Variants in ZNF804A observed in about 807,000 individuals in gnomAD.
ZNF804A encodes the protein zinc finger protein 804A.
ZNF804A carries 2 observed loss-of-function variants against 16.5 expected under a neutral mutation model. The ratio of observed to expected loss-of-function variants is 0.12; its 90% CI spans 0.05 to 0.38. The LOEUF (loss-of-function observed/expected upper bound fraction) is 0.38. Ranked by LOEUF, ZNF804A falls within the 10% of genes least tolerant of loss-of-function variation. The pLI is 0.99. For missense variants in ZNF804A, 1,473 were observed against 1,390.7 expected (o/e 1.06, Z -0.94); for synonymous variants, 534 against 489.6 (o/e 1.09, Z -1.20).
Position 184,936,480 on chromosome 2 carries a change from G to T in ZNF804A, c.1084G>T (p.Val362Phe), listed in dbSNP as rs1004838001. ...TGAGTTGTTAGGAAATAAATCCACA[G>T]TTCTTGACATGTCTAATGATTGCAT... ...SFELLGNKST[V>F]LDMSNDCISV... Residue 362 changes from valine to phenylalanine, a missense_variant, in exon 4 of 4, where the codon GTT (valine) becomes TTT (phenylalanine). Transcript: ENST00000302277. The T allele has an allele frequency of 3.7e-6, 6 of 1,613,732 alleles. No homozygotes were observed. The highest frequency in any genetic ancestry group is 5.1e-6 in the Non-Finnish European group (6 of 1,179,938).
At chr2:184,679,246 T>C (rs1293062131) in intron 1 of ZNF804A, among the ~76,000 whole-genome samples, 1 of 152,238 alleles carries the variant, frequency 6.6e-6, no homozygotes, top group African/African-American at 2.4e-5. Context: ...GATGATGTTT[T>C]CATAATCCAA....
intron 1 of ZNF804A, among the ~76,000 whole-genome samples, chr2:184,607,556 C>T (rs1308947696): frequency 6.6e-6 from 1 of 152,034 alleles, no homozygotes; most frequent in South Asian, 2.1e-4. Context: ...GTAACTGCCC[C>T]CATGATTCAA....
intron 1 of ZNF804A, among the ~76,000 whole-genome samples, chr2:184,863,406 T>A (rs1695829013): frequency 6.6e-6 from 1 of 152,162 alleles, no homozygotes. Flanking sequence ...TTTAAATTAC[T>A]GTTTTTATTT....
At chr2:184,632,125 T>C (rs1356028682) in intron 1 of ZNF804A, among the ~76,000 whole-genome samples, 1 of 151,922 alleles carries the variant, frequency 6.6e-6, no homozygotes. Context: ...AAGTGGTCAG[T>C]AGAAGTATAT....
At chr2:184,776,790 C>T (rs1694291184) in intron 1 of ZNF804A, among the ~76,000 whole-genome samples, 1 of 151,526 alleles carries the variant, frequency 6.6e-6, no homozygotes, top group South Asian at 2.1e-4. Context: ...GCCAGTTATC[C>T]TAACATTGCT....
Position 184,936,664 on chromosome 2 carries a change from A to G in ZNF804A, c.1268A>G (p.Glu423Gly), listed in dbSNP as rs757852500. The part of the protein sequence containing the change: ...KKTNFCKRQC[E>G]PFVPVLNKHR... ...ACAAATTTCTGCAAAAGACAATGTG[A>G]GCCATTTGTACCTGTCCTTAACAAA... The change falls in exon 4 of 4, where the codon GAG (glutamate) becomes GGG (glycine). Residue 423 changes from glutamate to glycine, a missense_variant. Physicochemically the swap from Glu to Gly is moderately conservative, Grantham distance 98. Coordinates refer to ENST00000302277, the MANE Select transcript of ZNF804A (RefSeq NM_194250.2). The G allele has an allele frequency of 1.9e-6, 3 of 1,614,058 alleles. No individual in the cohort carries two copies. The highest frequency in any genetic ancestry group is 2.5e-6 in the Non-Finnish European group (3 of 1,179,942).
At chr2:184,804,630 G>T (rs1204916491) in intron 1 of ZNF804A, among the ~76,000 whole-genome samples, 2 of 152,150 alleles carry the variant, frequency 1.3e-5, no homozygotes, top group Admixed American at 6.6e-5. Flanking sequence ...AAATTAAACA[G>T]CTATAAAATT....
At chr2:184,774,706 T>A (rs1694261722) in intron 1 of ZNF804A, among the ~76,000 whole-genome samples, 1 of 151,822 alleles carries the variant, frequency 6.6e-6, no homozygotes, top group South Asian at 2.1e-4. Flanking sequence ...TCAAAAATAT[T>A]TGCTCTGTGA....
chr2:184,661,414 A>G (rs1692174326), intron 1 of ZNF804A, among the ~76,000 whole-genome samples: 1 of 152,200 alleles, frequency 6.6e-6, no homozygotes, highest in South Asian at 2.1e-4. Context: ...TGTGACCAAA[A>G]GGAATAAGCT....
chr2:184,611,644 C>T (rs1446615892), intron 1 of ZNF804A, among the ~76,000 whole-genome samples: 1 of 151,954 alleles, frequency 6.6e-6, no homozygotes, highest in East Asian at 1.9e-4. Context: ...TCTGAAGTTA[C>T]AAAATTAATA....
intron 1 of ZNF804A, among the ~76,000 whole-genome samples, chr2:184,669,192 T>C (rs1456900325): frequency 6.6e-6 from 1 of 152,028 alleles, no homozygotes; most frequent in African/African-American, 2.4e-5. Flanking sequence ...AAAGGATACA[T>C]AACAACTCCT....
At position 184,938,859 on chromosome 2, in the gene ZNF804A, C is replaced by T. The variant is rs1685847529; in HGVS notation, c.3463C>T (p.Leu1155Phe). Residue 1155 changes from leucine to phenylalanine, a missense_variant, in exon 4 of 4, where the codon CTT becomes TTT. Coordinates refer to ENST00000302277, the MANE Select transcript of ZNF804A (RefSeq NM_194250.2). ...QLSVGPVGPR[L>F]CPGNQPTFVA... is the part of the protein sequence containing the mutation. ...CTCAGTAGGACCAGTAGGACCGAGG[C>T]TTTGTCCTGGGAACCAGCCAACTTT... is the stretch of plus-strand genomic sequence containing the variant. The T allele has an allele frequency of 3.7e-6, 6 of 1,614,030 alleles. No individual in the cohort carries two copies. The highest frequency in any genetic ancestry group is 3.3e-5 in the South Asian group (3 of 91,074).
intron 1 of ZNF804A, among the ~76,000 whole-genome samples, chr2:184,695,066 A>G (rs1692804956): frequency 1.3e-5 from 2 of 152,228 alleles, no homozygotes; most frequent in Non-Finnish European, 2.9e-5. Context: ...GTTCATGCAT[A>G]CAGACCTACA....
intron 1 of ZNF804A, among the ~76,000 whole-genome samples, chr2:184,641,209 C>T (rs1282425491): frequency 6.6e-6 from 1 of 152,084 alleles, no homozygotes; most frequent in East Asian, 1.9e-4. Flanking sequence ...CCTCGGCTTC[C>T]CAAAGTGCTG....
intron 1 of ZNF804A, among the ~76,000 whole-genome samples, chr2:184,675,230 C>A (rs1222022836): frequency 6.6e-6 from 1 of 151,652 alleles, no homozygotes; most frequent in Non-Finnish European, 1.5e-5. Context: ...AACATGCATG[C>A]GTATTGAAAG....
At chr2:184,675,569 G>C (rs1242463663) in intron 1 of ZNF804A, among the ~76,000 whole-genome samples, 1 of 151,746 alleles carries the variant, frequency 6.6e-6, no homozygotes, top group Admixed American at 6.6e-5. Flanking sequence ...AAAAATGTTT[G>C]AACCTTACTG....
chr2:184,870,872 G>T (rs7588907), intron 2 of ZNF804A, among the ~76,000 whole-genome samples: 49,396 of 151,530 alleles, frequency 0.33, 10,767 homozygotes, highest in African/African-American at 0.62. Flanking sequence ...CCATCCTTCA[G>T]AAGAGTAATG....
intron 2 of ZNF804A, among the ~76,000 whole-genome samples, chr2:184,908,216 C>T (rs1299195068): frequency 6.6e-6 from 1 of 151,980 alleles, no homozygotes; most frequent in Non-Finnish European, 1.5e-5. Flanking sequence ...TTGCCTTTGC[C>T]AGCTTTAAGG....
chr2:184,889,754 C>T (rs1257443338), intron 2 of ZNF804A, among the ~76,000 whole-genome samples: 5 of 151,816 alleles, frequency 3.3e-5, no homozygotes, highest in Admixed American at 6.6e-5. Context: ...TATTCAATTG[C>T]GTGCCTCACT....
Sources: allele counts gnomAD v4.1 joint callset (sites outside exome capture counted in the v4.1 genomes callset), GRCh38; gene constraint gnomAD v4.1.1; transcripts MANE v1.5; gene names NCBI Gene and HGNC (gene_info 2026-07-23, HGNC 2026-07-21).